The following STAMBPL1 variants were observed in gnomAD, a reference collection of about 807,000 sequenced individuals.
STAMBPL1 encodes the protein STAM binding protein like 1, also known as AMSH-like protease.
A neutral mutation model predicts 52.9 loss-of-function variants in STAMBPL1; 44 were observed. That is an observed-to-expected ratio of 0.83 (90% CI 0.65 to 1.07). The LOEUF (loss-of-function observed/expected upper bound fraction) is 1.07. STAMBPL1 is among the 50% of genes least tolerant of loss of function. The probability of loss-of-function intolerance (pLI) is 0.00; values close to 1 mark genes in which losing one functional copy is unlikely to be tolerated. For missense variants in STAMBPL1, 511 were observed against 520.8 expected (o/e 0.98, Z 0.18); for synonymous variants, 164 against 177.3 (o/e 0.92, Z 0.60).
chr10:88,920,841 T>C (rs1205585274), intron 8 of STAMBPL1, among the ~76,000 whole-genome samples: 2 of 152,218 alleles, frequency 1.3e-5, no homozygotes, highest in Non-Finnish European at 2.9e-5. Context: ...ATGTTGTATA[T>C]ATGTATCTTG....
At chr10:88,895,674 A>C (rs2133146617) in intron 1 of STAMBPL1, among the ~76,000 whole-genome samples, 1 of 152,298 alleles carries the variant, frequency 6.6e-6, no homozygotes, top group South Asian at 2.1e-4. Flanking sequence ...TTAATAGATG[A>C]AGATAAGGTG....
chr10:88,918,477 C>G (rs947013993), intron 8 of STAMBPL1, among the ~76,000 whole-genome samples: 1 of 152,170 alleles, frequency 6.6e-6, no homozygotes, highest in Non-Finnish European at 1.5e-5. Context: ...AATACCTTCT[C>G]TCCTCACTGG....
chr10:88,881,052 T>G, intron 1 of STAMBPL1, among the ~76,000 whole-genome samples: 1 of 151,746 alleles, frequency 6.6e-6, no homozygotes. Flanking sequence ...AGCGGCGCGG[T>G]GTGGAGGAGG....
At position 88,900,220 on chromosome 10, in the gene STAMBPL1, ACTT is replaced by A. The variant is rs377563489; in HGVS notation, c.-53-1433_-53-1431del. On this transcript the variant is annotated intron_variant, in intron 1 of 10. Transcript: ENST00000371926. ...TAGCACTGGAGCTGTTGATTGATCT[ACTT>A]CTGAGATTTCTAGAATCACTGAATA... Among the ~76,000 whole-genome samples the A allele has an allele frequency of 4.7e-3, 710 of 152,314 alleles. 4 individuals carry two copies. The highest frequency in any genetic ancestry group is 0.02 in the Middle Eastern group (6 of 294).
intron 1 of STAMBPL1, among the ~76,000 whole-genome samples, chr10:88,888,304 A>G (rs1844589859): frequency 1.3e-5 from 2 of 152,110 alleles, no homozygotes; most frequent in South Asian, 2.1e-4. Context: ...CTGAGTTACT[A>G]TGGTGCAGTT....
chr10:88,905,072 G>A (rs9804254), intron 2 of STAMBPL1, among the ~76,000 whole-genome samples: 12 of 152,120 alleles, frequency 7.9e-5, no homozygotes, highest in East Asian at 5.8e-4. Context: ...ACAATGGCAG[G>A]AATTCATCTT....
At chr10:88,893,369 G>A (rs1017328578) in intron 1 of STAMBPL1, among the ~76,000 whole-genome samples, 1 of 152,156 alleles carries the variant, frequency 6.6e-6, no homozygotes, top group African/African-American at 2.4e-5. Flanking sequence ...TGTCTAGATA[G>A]AATAATTATG....
Position 88,902,838 on chromosome 10 carries a change from G to A in STAMBPL1, c.30+1100G>A, listed in dbSNP as rs151001279. ...CCCACCTCGGCCTCCCAGATTGCTG[G>A]GATTACAGGTGTGAGCCACCGCACC... On this transcript the variant is annotated intron_variant, in intron 2 of 10. Coordinates refer to ENST00000371926, the MANE Select transcript of STAMBPL1 (RefSeq NM_020799.4). Among the ~76,000 whole-genome samples the A allele has an allele frequency of 4.9e-3, 749 of 152,240 alleles. 5 individuals are homozygous for A. The highest frequency in any genetic ancestry group is 7.7e-3 in the Non-Finnish European group (524 of 68,008).
chr10:88,919,581 TA>T (rs1407409338), intron 8 of STAMBPL1, among the ~76,000 whole-genome samples: 1 of 152,196 alleles, frequency 6.6e-6, no homozygotes, highest in Non-Finnish European at 1.5e-5. Flanking sequence ...GAACAATTTT[TA>T]ATTTCTCACG....
chr10:88,915,069 A>G (rs1845335209), intron 7 of STAMBPL1, among the ~76,000 whole-genome samples: 1 of 152,162 alleles, frequency 6.6e-6, no homozygotes, highest in Non-Finnish European at 1.5e-5. Flanking sequence ...TTTCAGATAC[A>G]CGTGGAATAA....
intron 5 of STAMBPL1, 30 bp from the exon 6 acceptor site, chr10:88,913,071 A>C (rs1589374329): frequency 6.5e-7 from 1 of 1,528,948 alleles, no homozygotes; most frequent in Non-Finnish European, 8.8e-7. Flanking sequence ...TTGGAAACTA[A>C]CCTTCTCTTC....
At chr10:88,892,342 G>C (rs1207794401) in intron 1 of STAMBPL1, among the ~76,000 whole-genome samples, 4 of 115,366 alleles carry the variant, frequency 3.5e-5, no homozygotes, top group Non-Finnish European at 5.2e-5. Context: ...GTGTCTGTGT[G>C]TGTGCGTGTG....
rs17114038 is a variant in STAMBPL1, at chr10:88,901,443, C to T, written c.-53-213C>T. 1,505 of 339,746 alleles carry T rather than the reference C, an allele frequency of 4.4e-3. 6 individuals carry two copies. The highest frequency in any genetic ancestry group is 6.7e-3 in the Non-Finnish European group (1,246 of 186,952). 21.0% of individuals were successfully genotyped at this position (339,746 alleles called of 1,614,324 possible). A position where few individuals can be genotyped will look rare whatever the true frequency, so the allele number is the denominator to read the frequency against. On this transcript the variant is annotated intron_variant, in intron 1 of 10. Coordinates refer to ENST00000371926, the MANE Select transcript of STAMBPL1 (RefSeq NM_020799.4). ...AGTCAAATGTGAATTATTTTCACAC[C>T]TTCACTTTTAAAGATCAGCTTCAGG... is the stretch of plus-strand genomic sequence containing the variant.
intron 8 of STAMBPL1, among the ~76,000 whole-genome samples, chr10:88,919,597 C>T (rs1845454540): frequency 6.6e-6 from 1 of 152,180 alleles, no homozygotes. Context: ...CTCACGAAGA[C>T]ATAGACGGCT....
intron 1 of STAMBPL1, among the ~76,000 whole-genome samples, chr10:88,895,605 C>T (rs894257198): frequency 6.6e-6 from 1 of 152,204 alleles, no homozygotes; most frequent in Non-Finnish European, 1.5e-5. Flanking sequence ...TATAATGGAA[C>T]TTTATTACCT....
At chr10:88,903,348 G>C (rs12245057) in intron 2 of STAMBPL1, among the ~76,000 whole-genome samples, 6,842 of 152,160 alleles carry the variant, frequency 0.045, 521 homozygotes, top group African/African-American at 0.16. Context: ...TCTCACTTCC[G>C]TCTGTCTTTT....
chr10:88,899,655 G>A (rs930471849), intron 1 of STAMBPL1, among the ~76,000 whole-genome samples: 7 of 152,056 alleles, frequency 4.6e-5, no homozygotes, highest in Non-Finnish European at 8.8e-5. Context: ...GATTACAGGC[G>A]TGCACTACCA....
chr10:88,885,486 A>G (rs12262692), intron 1 of STAMBPL1, among the ~76,000 whole-genome samples: 6,415 of 152,258 alleles, frequency 0.042, 450 homozygotes, highest in African/African-American at 0.15. Context: ...GTTGGCATAT[A>G]CAATACTTAT....
At chr10:88,900,358 T>A (rs1844915036) in intron 1 of STAMBPL1, among the ~76,000 whole-genome samples, 1 of 152,110 alleles carries the variant, frequency 6.6e-6, no homozygotes, top group African/African-American at 2.4e-5. Flanking sequence ...AAGGACAAAA[T>A]AAATTTAGAA....
Sources: allele counts gnomAD v4.1 joint callset (sites outside exome capture counted in the v4.1 genomes callset), GRCh38; gene constraint gnomAD v4.1.1; transcripts MANE v1.5; gene names NCBI Gene and HGNC (gene_info 2026-07-23, HGNC 2026-07-21).